The following ERC2 variants were observed in gnomAD, a reference collection of about 807,000 sequenced individuals.
The protein encoded by ERC2 is ERC protein 2.
Under a neutral mutation model 114.8 loss-of-function variants are expected in ERC2, and 42 were observed. The observed-to-expected ratio is 0.37, with a 90% CI of 0.29 to 0.47. The LOEUF (loss-of-function observed/expected upper bound fraction) is 0.47. Among genes scored for constraint, ERC2 ranks in the 20% least tolerant of loss-of-function variants. The probability of loss-of-function intolerance (pLI) is 0.99; values close to 1 mark genes in which losing one functional copy is unlikely to be tolerated. For synonymous variants in ERC2, 454 were observed against 425.5 expected, an observed-to-expected ratio of 1.07 and a Z score of -0.82; for missense variants, 939 against 1,150.7, an observed-to-expected ratio of 0.82 and a Z score of 2.66.
chr3:55,559,805 C>T (rs73830645), intron 17 of ERC2, among the ~76,000 whole-genome samples: 1,787 of 152,340 alleles, frequency 0.012, 33 homozygotes, highest in African/African-American at 0.04. Flanking sequence ...GGCTTGACCT[C>T]AGGCTTTGGC....
intron 7 of ERC2, among the ~76,000 whole-genome samples, chr3:56,036,566 G>A (rs1389715708): frequency 6.6e-6 from 1 of 152,098 alleles, no homozygotes; most frequent in East Asian, 1.9e-4. Context: ...CTCCAGCTGA[G>A]GTATCCAGGT....
intron 14 of ERC2, among the ~76,000 whole-genome samples, chr3:55,766,989 G>T (rs1233952405): frequency 6.6e-6 from 1 of 152,128 alleles, no homozygotes; most frequent in Non-Finnish European, 1.5e-5. Context: ...TCAACTTGGG[G>T]GTTAGAGAAG....
intron 14 of ERC2, among the ~76,000 whole-genome samples, chr3:55,757,303 T>C (rs1374628645): frequency 6.6e-6 from 1 of 152,062 alleles, no homozygotes; most frequent in Admixed American, 6.6e-5. Flanking sequence ...CTTAGCATAA[T>C]GTAAATTTGG....
chr3:55,738,345 A>G (rs7612735), intron 14 of ERC2, among the ~76,000 whole-genome samples: 7,124 of 152,236 alleles, frequency 0.047, 297 homozygotes, highest in African/African-American at 0.1. Flanking sequence ...GATGAATAAG[A>G]CATTTTTTAA....
intron 14 of ERC2, among the ~76,000 whole-genome samples, chr3:55,780,311 TATGGAAAA>T (rs2068937311): frequency 6.6e-6 from 1 of 152,180 alleles, no homozygotes; most frequent in Admixed American, 6.5e-5. Context: ...CCATTTCTTT[TATGGAAAA>T]GAGTCAACTA....
At chr3:56,246,426 A>G (rs768029469) in intron 3 of ERC2, among the ~76,000 whole-genome samples, 9 of 152,160 alleles carry the variant, frequency 5.9e-5, no homozygotes, top group Non-Finnish European at 1.2e-4. Context: ...GGGGGGCACA[A>G]TCTTCCCCTG....
intron 17 of ERC2, among the ~76,000 whole-genome samples, chr3:55,610,071 A>AAC (rs2058831842): frequency 1.3e-5 from 2 of 149,880 alleles, no homozygotes; most frequent in African/African-American, 2.5e-5. Context: ...AAACAAAAAA[A>AAC]AAAAAAAAAA....
chr3:55,733,542 TCACACACACACACA>T (rs58311179), intron 15 of ERC2, among the ~76,000 whole-genome samples: 3 of 107,800 alleles, frequency 2.8e-5, no homozygotes, highest in African/African-American at 7.3e-5. Flanking sequence ...TCTCTCTCTC[TCACACACACACACA>T]CACACACACA....
intron 14 of ERC2, among the ~76,000 whole-genome samples, chr3:55,812,177 G>A (rs898632583): frequency 6.6e-6 from 1 of 152,118 alleles, no homozygotes; most frequent in African/African-American, 2.4e-5. Flanking sequence ...ATCTGAAATC[G>A]GAAGCTGTGC....
intron 17 of ERC2, among the ~76,000 whole-genome samples, chr3:55,681,104 T>C (rs539272389): frequency 1.6e-4 from 25 of 152,244 alleles, no homozygotes; most frequent in Admixed American, 1.4e-3. Context: ...CAAAACTCTT[T>C]AGAAAAGTAA....
At chr3:56,105,954 G>T (rs1452754219) in intron 6 of ERC2, among the ~76,000 whole-genome samples, 3 of 152,166 alleles carry the variant, frequency 2.0e-5, no homozygotes, top group African/African-American at 7.2e-5. Flanking sequence ...AGAAAAATGG[G>T]TAGAGGATCT....
intron 14 of ERC2, among the ~76,000 whole-genome samples, chr3:55,843,306 G>C (rs143053618): frequency 3.9e-5 from 6 of 152,336 alleles, no homozygotes; most frequent in Non-Finnish European, 8.8e-5. Flanking sequence ...TAGGGTGGCA[G>C]AGGGATAAGA....
chr3:55,646,808 C>A (rs2060417577), intron 17 of ERC2, among the ~76,000 whole-genome samples: 1 of 152,146 alleles, frequency 6.6e-6, no homozygotes, highest in African/African-American at 2.4e-5. Flanking sequence ...ATAAATGAAT[C>A]CCCATTTTAC....
At chr3:55,539,411 CTTTCTTTTTT>C (rs2054225583) in intron 17 of ERC2, among the ~76,000 whole-genome samples, 1 of 49,070 alleles carries the variant, frequency 2.0e-5, no homozygotes, top group African/African-American at 5.9e-5. Context: ...CTCTTTTTTT[CTTTCTTTTTT>C]TTTTTTTTTT....
At chr3:56,397,348 TA>T (rs57041870) in intron 2 of ERC2, among the ~76,000 whole-genome samples, 14,159 of 137,196 alleles carry the variant, frequency 0.1, 978 homozygotes, top group African/African-American at 0.21. Flanking sequence ...ATATCTGTCT[TA>T]AAAAAAAAAA....
intron 17 of ERC2, among the ~76,000 whole-genome samples, chr3:55,674,410 T>A (rs1026070076): frequency 1.3e-5 from 2 of 152,204 alleles, no homozygotes; most frequent in Non-Finnish European, 2.9e-5. Flanking sequence ...TACTGAAAAG[T>A]TAAAAATGAT....
chr3:55,593,468 C>A (rs892299161), intron 17 of ERC2, among the ~76,000 whole-genome samples: 1 of 152,182 alleles, frequency 6.6e-6, no homozygotes, highest in Non-Finnish European at 1.5e-5. Context: ...TCATCTCTGG[C>A]TGACTTCCTC....
intron 3 of ERC2, among the ~76,000 whole-genome samples, chr3:56,273,966 G>GTT (rs2053827179): frequency 6.6e-6 from 1 of 152,204 alleles, no homozygotes; most frequent in Non-Finnish European, 1.5e-5. Flanking sequence ...ATCTCTTCAT[G>GTT]TTTGTAGCAT....
intron 7 of ERC2, among the ~76,000 whole-genome samples, chr3:56,053,959 A>G (rs1198434613): frequency 6.6e-6 from 1 of 152,174 alleles, no homozygotes; most frequent in Admixed American, 6.5e-5. Context: ...GCTGCAGCTC[A>G]TGGTCCACCC....
Sources: gnomAD v4.1 joint callset for allele counts (sites outside exome capture counted in the v4.1 genomes callset) on GRCh38, gnomAD v4.1.1 for gene constraint, MANE v1.5 for transcripts, NCBI Gene and HGNC (gene_info 2026-07-23, HGNC 2026-07-21) for gene names.